PRKCI: variants seen among roughly 807,000 people sequenced by gnomAD.
PRKCI encodes the protein protein kinase C iota.
A neutral mutation model predicts 84.0 loss-of-function variants in PRKCI; 43 were observed. That is an observed-to-expected ratio of 0.51 (90% confidence interval 0.40 to 0.66). The LOEUF (loss-of-function observed/expected upper bound fraction) is 0.66. Ranked by LOEUF, PRKCI falls within the 30% of genes least tolerant of loss-of-function variation. The pLI is 0.00. For synonymous variants in PRKCI, 216 were observed against 234.4 expected, an observed-to-expected ratio of 0.92 and a Z score of 0.72; for missense variants, 459 against 745.6, an observed-to-expected ratio of 0.62 and a Z score of 4.48.
chr3:170,245,719 T>C (rs542570180), intron 2 of PRKCI, among the ~76,000 whole-genome samples: 45 of 152,272 alleles, frequency 3.0e-4, no homozygotes, highest in Non-Finnish European at 5.7e-4. Context: ...CACTATTCCA[T>C]ACATATAAAT....
rs1335554195 is a variant in PRKCI at position 170,280,216 on chromosome 3, G to C, written c.706-11G>C. On this transcript the variant is annotated splice_polypyrimidine_tract_variant and intron_variant, in intron 8 of 17. Transcript: ENST00000295797. ...TTCCCATTATAACTCTGATACAAAT[G>C]TTCTCAACAGGCAATGAACACCAGG... 1.2e-6 allele frequency: 2 copies of C among 1,605,740 alleles called. No individual in the cohort carries two copies. The highest frequency in any genetic ancestry group is 1.7e-6 in the Non-Finnish European group (2 of 1,177,232).
intron 17 of PRKCI, among the ~76,000 whole-genome samples, 172 bp downstream of exon 17, chr3:170,299,282 A>G (rs1734765165): frequency 2.6e-5 from 4 of 152,174 alleles, no homozygotes; most frequent in Admixed American, 2.6e-4. Context: ...GCTGGAGTGC[A>G]GTGGTGCAAT....
intron 15 of PRKCI, 38 bp downstream of exon 15, chr3:170,296,028 C>G: frequency 8.1e-7 from 1 of 1,237,174 alleles, no homozygotes; most frequent in Non-Finnish European, 1.1e-6. Flanking sequence ...TGATTTGTCT[C>G]TTTCTATATA....
In PRKCI at chr3:170,303,910, T is replaced by G. The variant is rs2108870379; in HGVS notation, c.*783T>G. ...TACTCGGGAGGCTGAAACAGGAGAA[T>G]CGCTTGAACCCAGGAGATGGAGTTG... On this transcript the variant is annotated 3_prime_UTR_variant, in exon 18 of 18. Transcript: ENST00000295797. The G allele has an allele frequency of 5.9e-6, 1 of 169,698 alleles. No individual in the cohort carries two copies. Among genetic ancestry groups the G allele is most frequent in the African/African-American group, 2.4e-5 (1 of 42,086 alleles). The allele number at this position is 169,698 out of a possible 1,614,324, so 10.5% of individuals were successfully genotyped here.
At chr3:170,244,733 C>T (rs1438675355) in intron 2 of PRKCI, 2 of 152,066 alleles carry the variant, frequency 1.3e-5, no homozygotes, top group African/African-American at 2.4e-5. Context: ...TACTCACCCC[C>T]CAATGGGGTT....
intron 17 of PRKCI, among the ~76,000 whole-genome samples, chr3:170,302,291 T>G (rs1734841445): frequency 6.6e-6 from 1 of 152,192 alleles, no homozygotes; most frequent in African/African-American, 2.4e-5. Context: ...AATACTGCCT[T>G]CCTTGATTTC....
chr3:170,232,777 G>A (rs1353085698), intron 1 of PRKCI, among the ~76,000 whole-genome samples: 4 of 151,722 alleles, frequency 2.6e-5, no homozygotes, highest in Non-Finnish European at 5.9e-5. Context: ...AACTCCTGAG[G>A]TGATCCTCCC....
chr3:170,224,930 A>G (rs1210534727), intron 1 of PRKCI, among the ~76,000 whole-genome samples: 9 of 152,238 alleles, frequency 5.9e-5, no homozygotes, highest in Admixed American at 4.6e-4. Context: ...AGTTTGACAC[A>G]TGTAAATAGG....
At chr3:170,259,468 T>A (rs1381896353) in intron 2 of PRKCI, among the ~76,000 whole-genome samples, 8 of 152,166 alleles carry the variant, frequency 5.3e-5, no homozygotes, top group African/African-American at 1.7e-4. Flanking sequence ...ATGGAAGTTA[T>A]ATGTTACCTA....
At chr3:170,276,759 A>G (rs1250287987) in intron 8 of PRKCI, among the ~76,000 whole-genome samples, 1 of 152,154 alleles carries the variant, frequency 6.6e-6, no homozygotes, top group Non-Finnish European at 1.5e-5. Context: ...TCCGAAAACA[A>G]TTGCAACAAA....
rs368607450 is a variant in PRKCI at position 170,280,371 on chromosome 3, G to A, written c.850G>A (p.Val284Ile). ...AACAGATCGTATTTATGCAATGAAA[G>A]TTGTGAAAAAAGAGCTTGTTAATGA... Reference protein sequence around the residue: ...KKTDRIYAMKVVKKELVNDDE... With the variant: ...KKTDRIYAMKIVKKELVNDDE... The change falls in exon 9 of 18, where the codon GTT becomes ATT. Residue 284 changes from valine (V) to isoleucine (I), a missense_variant. Val to Ile is a conservative substitution (Grantham distance 29). Coordinates refer to ENST00000295797, the MANE Select transcript of PRKCI (RefSeq NM_002740.6). The A allele has an allele frequency of 1.9e-6, 3 of 1,613,290 alleles. No individual in the cohort carries two copies. The highest frequency in any genetic ancestry group is 2.2e-5 in the South Asian group (2 of 90,994).
Position 170,225,852 on chromosome 3 carries a change from G to A in PRKCI, c.101+3082G>A, listed in dbSNP as rs560803976. On this transcript the variant is annotated intron_variant, in intron 1 of 17. Coordinates refer to ENST00000295797, the MANE Select transcript of PRKCI (RefSeq NM_002740.6). Reference sequence around the variant, plus strand: ...TGTTAAGCTTGATCTCAGTGAAAACGTGTAATCTCTCTAGATCTAATAACA... The same window carrying A: ...TGTTAAGCTTGATCTCAGTGAAAACATGTAATCTCTCTAGATCTAATAACA... 4.7e-4 allele frequency among the ~76,000 whole-genome samples: 72 copies of A among 151,776 alleles called. No homozygotes were observed. The South Asian group carries it at 6.5e-3, about 14-fold the overall frequency.
At chr3:170,245,538 C>T (rs1294913854) in intron 2 of PRKCI, among the ~76,000 whole-genome samples, 1 of 152,030 alleles carries the variant, frequency 6.6e-6, no homozygotes, top group Admixed American at 6.6e-5. Context: ...ATCATCTGCT[C>T]CAGTATCTGG....
intron 2 of PRKCI, among the ~76,000 whole-genome samples, chr3:170,238,594 CTTTTTTTT>C (rs1231292323): frequency 8.0e-6 from 1 of 125,126 alleles, no homozygotes; most frequent in Non-Finnish European, 1.7e-5. Context: ...CATTTCTTTT[CTTTTTTTT>C]TTTTTTTTTG....
intron 10 of PRKCI, chr3:170,281,488 G>A (rs186136162): frequency 4.4e-5 from 19 of 436,654 alleles, no homozygotes; most frequent in Middle Eastern, 6.1e-4. Flanking sequence ...TAGCCATGTC[G>A]TAATTATGGC....
intron 2 of PRKCI, among the ~76,000 whole-genome samples, chr3:170,255,384 A>C (rs1733561460): frequency 6.6e-6 from 1 of 152,076 alleles, no homozygotes. Flanking sequence ...CTTTTGTGAT[A>C]CTTATTCATA....
intron 12 of PRKCI, among the ~76,000 whole-genome samples, chr3:170,287,926 A>AG (rs1226707388): frequency 4.0e-5 from 6 of 150,620 alleles, no homozygotes; most frequent in Non-Finnish European, 4.4e-5. Context: ...AAAAAAAAAA[A>AG]AAAAGAAAAT....
intron 12 of PRKCI, among the ~76,000 whole-genome samples, chr3:170,285,389 T>G (rs1337660129): frequency 6.6e-6 from 1 of 150,476 alleles, no homozygotes; most frequent in African/African-American, 2.5e-5. Context: ...TATTTCTTGA[T>G]GTTTTATTCT....
intron 2 of PRKCI, among the ~76,000 whole-genome samples, chr3:170,248,712 T>C (rs1266533305): frequency 6.6e-6 from 1 of 152,134 alleles, no homozygotes; most frequent in East Asian, 1.9e-4. Context: ...TATTCAGAAG[T>C]GTTGGTCTCT....
Sources: allele counts gnomAD v4.1 joint callset (sites outside exome capture counted in the v4.1 genomes callset), GRCh38; gene constraint gnomAD v4.1.1; transcripts MANE v1.5; gene names NCBI Gene and HGNC (gene_info 2026-07-23, HGNC 2026-07-21).